Variants in ROS1 observed in about 807,000 individuals in gnomAD.
ROS1 encodes proto-oncogene tyrosine-protein kinase ROS.
In ROS1, 263 loss-of-function variants were observed where a neutral mutation model predicts 273.5. The observed-to-expected ratio is 0.96, with a 90% CI of 0.87 to 1.06. The LOEUF (loss-of-function observed/expected upper bound fraction) is 1.06. Ranked by LOEUF, ROS1 falls within the 50% of genes least tolerant of loss-of-function variation. ROS1 has a pLI of 0.00. For missense variants in ROS1, 2,833 were observed against 2,751.1 expected (o/e 1.03, Z -0.67); for synonymous variants, 1,008 against 954.1 (o/e 1.06, Z -1.04).
intron 33 of ROS1, chr6:117,328,792 A>G (rs780908396): frequency 3.3e-6 from 2 of 613,524 alleles, no homozygotes; most frequent in Non-Finnish European, 6.5e-6. Flanking sequence ...GCTGGTTTTC[A>G]TCGACGGTGT....
intron 5 of ROS1, among the ~76,000 whole-genome samples, chr6:117,405,374 T>C (rs1475008168): frequency 6.6e-6 from 1 of 152,222 alleles, no homozygotes; most frequent in Non-Finnish European, 1.5e-5. Context: ...TCTCTGCTTA[T>C]TCTTCTTTTT....
chr6:117,403,094 G>C (rs778446315), intron 7 of ROS1, 45 bp downstream of exon 7: 9 of 1,601,772 alleles, frequency 5.6e-6, no homozygotes, highest in Non-Finnish European at 7.7e-6. Context: ...CTAAATCAAA[G>C]CTTTGGAATA....
At chr6:117,360,157 C>T (rs1779669649) in intron 23 of ROS1, 146 bp from the exon 24 acceptor site, 1 of 764,814 alleles carries the variant, frequency 1.3e-6, no homozygotes, top group Non-Finnish European at 2.1e-6. Flanking sequence ...ACCTTGTAGG[C>T]TCTCTACCCC....
At chr6:117,407,126 T>C (rs576006790) in intron 5 of ROS1, among the ~76,000 whole-genome samples, 6 of 152,106 alleles carry the variant, frequency 3.9e-5, no homozygotes, top group Non-Finnish European at 7.3e-5. Context: ...GTGTCTTTTG[T>C]GGGACACTAA....
Position 117,385,780 on chromosome 6 carries a change from A to T in ROS1, c.2192T>A (p.Ile731Asn), listed in dbSNP as rs1339970861. ...VFVWLLNGTD[I>N]SENYHLPSIA... ...GCTGGGTAGGTGATAATTCTCTGAG[A>T]TATCCGTCCCATTCAGCAGCCACAC... The change falls in exon 16 of 44, where the codon ATC becomes AAC. Residue 731 changes from isoleucine (I) to asparagine (N), a missense_variant. By Grantham distance (149) the Ile-to-Asn change is moderately radical (BLOSUM62 -3). Coordinates refer to ENST00000368507, the MANE Select transcript of ROS1 (RefSeq NM_001378902.1). 6.2e-7 allele frequency: 1 copy of T among 1,614,144 alleles called. No homozygotes were observed. The highest frequency in any genetic ancestry group is 8.5e-7 in the Non-Finnish European group (1 of 1,180,014).
At position 117,353,053 on chromosome 6, in the gene ROS1, G is replaced by A; in HGVS notation, c.4240C>T (p.Gln1414Ter). The change falls in exon 27 of 44, where the codon CAG (glutamine) becomes TAG (stop). Residue 1414 changes from glutamine to a stop codon, truncating the protein, a stop_gained. Transcript: ENST00000368507. LOFTEE classifies it high-confidence loss of function. ...AKKGNGAIVS[Q>*]VKALRSRHIL... is the part of the protein sequence containing the mutation. Reference sequence around the variant, plus strand: ...TGCCTACTCCTTAGGGCCTTCACCTGGGAAACGATGGCCCCATTTCCTTTC... The same window carrying A: ...TGCCTACTCCTTAGGGCCTTCACCTAGGAAACGATGGCCCCATTTCCTTTC... 1 of 1,614,044 alleles carries A rather than the reference G, an allele frequency of 6.2e-7. No homozygotes were observed. Among genetic ancestry groups the A allele is most frequent in the African/African-American group, 1.3e-5 (1 of 75,020 alleles).
intron 1 of ROS1, among the ~76,000 whole-genome samples, chr6:117,420,992 A>G (rs551496110): frequency 1.3e-5 from 2 of 151,808 alleles, no homozygotes; most frequent in Admixed American, 6.6e-5. Flanking sequence ...ATCCATTTAC[A>G]TCCAACCAAC....
chr6:117,386,985 A>G lies in ROS1; in HGVS notation c.2014T>C (p.Phe672Leu). ...TTLVPASEPP[F>L]IMAVKEDGLW... Reference sequence around the variant, plus strand: ...CCATCTTCTTTCACAGCCATGATAAATGGTGGTTCACTAGCTGTTTAGTAA... The same window carrying G: ...CCATCTTCTTTCACAGCCATGATAAGTGGTGGTTCACTAGCTGTTTAGTAA... The change falls in exon 15 of 44, where the codon TTT becomes CTT. Residue 672 changes from phenylalanine to leucine, a missense_variant. Physicochemically the swap from Phe to Leu is conservative, Grantham distance 22 (BLOSUM62 0). Transcript: ENST00000368507. The G allele has an allele frequency of 1.9e-6, 3 of 1,607,634 alleles. No individual in the cohort carries two copies. The highest frequency in any genetic ancestry group is 2.6e-6 in the Non-Finnish European group (3 of 1,174,772).
rs774133936 is a variant in ROS1 at position 117,341,258 on chromosome 6, A to G, written c.4938T>C (p.Thr1646=). The change falls in exon 31 of 44, where the codon ACT becomes ACC. Residue 1646 remains threonine, a synonymous_variant. Transcript: ENST00000368507. ...TCTCTGGTGTGTTAAACATTTCCAC[A>G]GTGACAGGATGACTCTCTGTACACC... The part of the protein sequence containing the change: ...EMWCTESHPV[T]VEMFNTPEKP... 3.7e-6 allele frequency: 6 copies of G among 1,613,596 alleles called. No individual in the cohort carries two copies. Among genetic ancestry groups the G allele is most frequent in the Non-Finnish European group, 5.1e-6 (6 of 1,179,726 alleles).
intron 43 of ROS1, among the ~76,000 whole-genome samples, chr6:117,292,162 C>G (rs562590312): frequency 2.0e-5 from 3 of 151,766 alleles, no homozygotes; most frequent in South Asian, 2.1e-4. Context: ...AGTAGAGACG[C>G]GGTTTCACCA....
Position 117,379,132 on chromosome 6 carries a change from C to T in ROS1, c.2509G>A (p.Asp837Asn). Residue 837 changes from aspartate (D) to asparagine (N), a missense_variant, in exon 18 of 44, where the codon GAT (aspartate) becomes AAT (asparagine). By Grantham distance (23) the Asp-to-Asn change is conservative (BLOSUM62 1). Coordinates refer to ENST00000368507, the MANE Select transcript of ROS1 (RefSeq NM_001378902.1). ...KVIALTLDLS[D>N]GLLYWLVQDS... ...TGAACCAACCAATACAGGAGCCCAT[C>T]ACTGAGGTCTAAAGTTAGAGCAATT... 1 of 1,612,680 alleles carries T rather than the reference C, an allele frequency of 6.2e-7. No individual in the cohort carries two copies. Among genetic ancestry groups the T allele is most frequent in the Non-Finnish European group, 8.5e-7 (1 of 1,178,806 alleles).
Position 117,389,700 on chromosome 6 carries a change from A to T in ROS1, c.1436T>A (p.Phe479Tyr). ...IKPQAKRIIY[F>Y]NDTAQVFMST... ...CATGAAGACTTGGGCAGTGTCATTGAAGTAAATGATTCGCTTGGCTTGTGG... is the reference window on the plus strand; with the variant it reads ...CATGAAGACTTGGGCAGTGTCATTGTAGTAAATGATTCGCTTGGCTTGTGG... The change falls in exon 13 of 44, where the codon TTC becomes TAC. Residue 479 changes from phenylalanine (F) to tyrosine (Y), a missense_variant. Coordinates refer to ENST00000368507, the MANE Select transcript of ROS1 (RefSeq NM_001378902.1). The T allele has an allele frequency of 6.2e-7, 1 of 1,614,188 alleles. No homozygotes were observed. The highest frequency in any genetic ancestry group is 8.5e-7 in the Non-Finnish European group (1 of 1,180,042).
chr6:117,323,072 C>T (rs903835310), intron 35 of ROS1, among the ~76,000 whole-genome samples: 1 of 152,174 alleles, frequency 6.6e-6, no homozygotes, highest in African/African-American at 2.4e-5. Context: ...GCCAAATATA[C>T]TGCAGTCATA....
At chr6:117,417,388 A>G (rs754714599) in intron 2 of ROS1, among the ~76,000 whole-genome samples, 1 of 152,148 alleles carries the variant, frequency 6.6e-6, no homozygotes, top group Non-Finnish European at 1.5e-5. Flanking sequence ...CTGGTCATTA[A>G]CTAAAATCCA....
chr6:117,308,881 G>T lies in ROS1; in HGVS notation c.6464C>A (p.Pro2155His), dbSNP rs772998388. ...ATCAAGGTTGGAATGAGCTGGATAA[G>T]GCTGATGACCAAGAGTTAAAATCTC... ...IWEILTLGHQPYPAHSNLDVL... is the reference protein window; with the variant it reads ...IWEILTLGHQHYPAHSNLDVL... Residue 2155 changes from proline to histidine, a missense_variant, in exon 42 of 44, where the codon CCT (proline) becomes CAT (histidine). Coordinates refer to ENST00000368507, the MANE Select transcript of ROS1 (RefSeq NM_001378902.1). The T allele has an allele frequency of 1.2e-6, 2 of 1,613,248 alleles. No homozygotes were observed. The highest frequency in any genetic ancestry group is 1.7e-6 in the Non-Finnish European group (2 of 1,179,538).
At chr6:117,415,462 T>C (rs1456515948) in intron 3 of ROS1, among the ~76,000 whole-genome samples, 1 of 152,226 alleles carries the variant, frequency 6.6e-6, no homozygotes, top group East Asian at 1.9e-4. Flanking sequence ...ATTTAACCCC[T>C]GACCTGAACA....
chr6:117,305,947 A>G (rs1775063407), intron 42 of ROS1, among the ~76,000 whole-genome samples: 1 of 150,858 alleles, frequency 6.6e-6, no homozygotes, highest in African/African-American at 2.4e-5. Context: ...AATACTCATT[A>G]TACTTGAAGT....
At chr6:117,347,854 T>C (rs1480645420) in intron 27 of ROS1, among the ~76,000 whole-genome samples, 2 of 152,102 alleles carry the variant, frequency 1.3e-5, no homozygotes, top group African/African-American at 4.8e-5. Flanking sequence ...AGTCTGTTGA[T>C]ATAGTGGACT....
At chr6:117,328,385 A>G (rs1776801705) in intron 33 of ROS1, 1 of 285,478 alleles carries the variant, frequency 3.5e-6, no homozygotes. Context: ...GACCTGATTG[A>G]TGAACATCAT....
Sources: gnomAD v4.1 joint callset for allele counts (sites outside exome capture counted in the v4.1 genomes callset) on GRCh38, gnomAD v4.1.1 for gene constraint, MANE v1.5 for transcripts, NCBI Gene and HGNC (gene_info 2026-07-23, HGNC 2026-07-21) for gene names.